The following ANGPT2 variants were observed in gnomAD, a reference collection of about 807,000 sequenced individuals.
The protein encoded by ANGPT2 is angiopoietin-2.
Under a neutral mutation model 62.9 loss-of-function variants are expected in ANGPT2, and 28 were observed. The ratio of observed to expected loss-of-function variants is 0.44; its 90% CI spans 0.33 to 0.61. The LOEUF (loss-of-function observed/expected upper bound fraction) is 0.61, where lower values mean the gene tolerates loss of function less well. Among genes scored for constraint, ANGPT2 ranks in the 20% least tolerant of loss-of-function variants. The pLI is 0.03. For synonymous variants in ANGPT2, 284 were observed against 207.8 expected (o/e 1.37, Z -3.15); for missense variants, 727 against 594.9 (o/e 1.22, Z -2.31).
chr8:6,515,151 C>T (rs1816009420), intron 5 of ANGPT2, among the ~76,000 whole-genome samples: 1 of 152,110 alleles, frequency 6.6e-6, no homozygotes, highest in Non-Finnish European at 1.5e-5. Flanking sequence ...CCCACATCTC[C>T]ATCCTGTAGA....
chr8:6,555,715 G>A (rs879884437), intron 1 of ANGPT2, among the ~76,000 whole-genome samples: 13 of 152,004 alleles, frequency 8.6e-5, no homozygotes, highest in Non-Finnish European at 1.5e-4. Context: ...CACCCGCTTC[G>A]GCCTCCGAAA....
At chr8:6,547,757 C>T (rs776415100) in intron 1 of ANGPT2, among the ~76,000 whole-genome samples, 5 of 152,192 alleles carry the variant, frequency 3.3e-5, no homozygotes, top group Non-Finnish European at 5.9e-5. Context: ...CTGACTCACT[C>T]GGTGGGAACA....
intron 1 of ANGPT2, among the ~76,000 whole-genome samples, chr8:6,553,639 A>G (rs1351300075): frequency 6.6e-6 from 1 of 152,090 alleles, no homozygotes; most frequent in Non-Finnish European, 1.5e-5. Context: ...TGGGGCCAGA[A>G]ACAAAATCCC....
rs114820337 is a variant in ANGPT2, at chr8:6,539,951, G to A, written c.289-7464C>T. Among the ~76,000 whole-genome samples, 1,047 of 152,164 alleles carry A rather than the reference G, an allele frequency of 6.9e-3. 13 individuals are homozygous for A. The highest frequency in any genetic ancestry group is 0.024 in the African/African-American group (1,009 of 41,504). ...GATAACCAACCCCTTTCCTACTTTC[G>A]CTAGTATAAGAGACTGAAAGTTCAC... is the stretch of plus-strand genomic sequence containing the variant. On this transcript the variant is annotated intron_variant, in intron 1 of 8. Coordinates refer to ENST00000629816, the MANE Select transcript of ANGPT2 (RefSeq NM_001118887.2).
chr8:6,542,261 G>A lies in ANGPT2; in HGVS notation c.289-9774C>T, dbSNP rs151307848. ...TGTATATCTGTCTAGAGACATATAT[G>A]CATACATTTGTCTACACATGTGAGG... On this transcript the variant is annotated intron_variant, in intron 1 of 8. Transcript: ENST00000629816. Among the ~76,000 whole-genome samples, 72 of 152,102 alleles carry A rather than the reference G, an allele frequency of 4.7e-4. No homozygotes were observed. The East Asian group carries it at 0.013, about 27-fold the overall frequency.
intron 1 of ANGPT2, among the ~76,000 whole-genome samples, chr8:6,539,845 C>T (rs2129573485): frequency 6.6e-6 from 1 of 152,290 alleles, no homozygotes; most frequent in African/African-American, 2.4e-5. Context: ...CCTTGGCCTC[C>T]CAAAGTGCTA....
intron 1 of ANGPT2, among the ~76,000 whole-genome samples, chr8:6,538,254 A>G (rs756450901): frequency 3.3e-5 from 5 of 152,146 alleles, no homozygotes; most frequent in Admixed American, 6.5e-5. Context: ...TAGAAATAAG[A>G]TATTGCAACC....
intron 1 of ANGPT2, among the ~76,000 whole-genome samples, chr8:6,542,552 C>A (rs1475290049): frequency 2.0e-5 from 3 of 151,908 alleles, no homozygotes; most frequent in Admixed American, 1.3e-4. Flanking sequence ...TCTCCCAACA[C>A]CCCATCCCGC....
intron 7 of ANGPT2, among the ~76,000 whole-genome samples, chr8:6,512,134 T>C (rs1815263131): frequency 6.6e-6 from 1 of 152,204 alleles, no homozygotes. Flanking sequence ...GAATAGTGAA[T>C]ATGCTTCACT....
chr8:6,505,369 AAT>A (rs1384778993), intron 8 of ANGPT2, among the ~76,000 whole-genome samples: 65 of 75,566 alleles, frequency 8.6e-4, no homozygotes, highest in Non-Finnish European at 1.2e-3. Context: ...ATGTATATAG[AAT>A]ATATATATTC....
chr8:6,521,190 A>G lies in ANGPT2; in HGVS notation c.787T>C (p.Ser263Pro), dbSNP rs1817266811. 1 of 1,612,674 alleles carries G rather than the reference A, an allele frequency of 6.2e-7. No individual in the cohort carries two copies. The change falls in exon 4 of 9, where the codon TCC (serine) becomes CCC (proline). Residue 263 changes from serine (S) to proline (P), a missense_variant. Transcript: ENST00000629816. ...TATGTAAACTTACAGTTTGATGTGGACATCATAGTCAGTAAGTTATTAACT... is the reference window on the plus strand; with the variant it reads ...TATGTAAACTTACAGTTTGATGTGGGCATCATAGTCAGTAAGTTATTAACT... ...ETVNNLLTMM[S>P]TSNSKDPTVA...
At chr8:6,544,783 T>C (rs1822252281) in intron 1 of ANGPT2, among the ~76,000 whole-genome samples, 1 of 152,208 alleles carries the variant, frequency 6.6e-6, no homozygotes, top group South Asian at 2.1e-4. Flanking sequence ...AGAGCCTCCC[T>C]TACCTCCTGA....
chr8:6,553,600 C>T (rs1288731360), intron 1 of ANGPT2, among the ~76,000 whole-genome samples: 1 of 152,128 alleles, frequency 6.6e-6, no homozygotes, highest in Admixed American at 6.5e-5. Flanking sequence ...ATCCCTTTGC[C>T]ATAGTTTGGC....
intron 1 of ANGPT2, among the ~76,000 whole-genome samples, chr8:6,536,409 G>GT (rs997292950): frequency 1.3e-5 from 1 of 75,030 alleles, no homozygotes; most frequent in African/African-American, 5.0e-5. Flanking sequence ...CCTTTTAAGA[G>GT]CCAAAGTGAT....
rs1813131542 is a variant in ANGPT2 at position 6,505,255 on chromosome 8, A to ATATAGAATATATATATTCTT, written c.1328-1995_1328-1994insAAGAATATATATATTCTATA. Among the ~76,000 whole-genome samples the ATATAGAATATATATATTCTT allele has an allele frequency of 9.4e-5, 2 of 21,220 alleles. 1 individual carries two copies. Among genetic ancestry groups the ATATAGAATATATATATTCTT allele is most frequent in the Non-Finnish European group, 2.0e-4 (2 of 10,092 alleles). 13.9% of individuals were successfully genotyped at this position (21,220 alleles called of 152,430 possible). A position where few individuals can be genotyped will look rare whatever the true frequency, so the allele number is the denominator to read the frequency against. ...TATATATAGAATATATATTCTTTAT[A>ATATAGAATATATATATTCTT]TATGTTTTATATATATGTATACATA... On this transcript the variant is annotated intron_variant, in intron 8 of 8. Coordinates refer to ENST00000629816, the MANE Select transcript of ANGPT2 (RefSeq NM_001118887.2).
intron 6 of ANGPT2, among the ~76,000 whole-genome samples, chr8:6,514,309 C>A (rs558164109): frequency 4.3e-4 from 65 of 152,296 alleles, no homozygotes; most frequent in African/African-American, 1.5e-3. Flanking sequence ...CCTGCCTCAG[C>A]CTCCTGAGTA....
At chr8:6,522,684 G>A (rs1413313772) in intron 3 of ANGPT2, among the ~76,000 whole-genome samples, 1 of 151,214 alleles carries the variant, frequency 6.6e-6, no homozygotes, top group South Asian at 2.1e-4. Context: ...TGAGGCAGGA[G>A]AACTGCTTGA....
chr8:6,521,443 G>T (rs748075814), intron 3 of ANGPT2, 33 bp from the exon 4 acceptor site: 1 of 1,420,566 alleles, frequency 7.0e-7, no homozygotes, highest in East Asian at 2.3e-5. Flanking sequence ...GTTAGTGAAG[G>T]CTATTCTAAT....
intron 5 of ANGPT2, among the ~76,000 whole-genome samples, chr8:6,518,450 C>G (rs1301774572): frequency 6.6e-6 from 1 of 152,174 alleles, no homozygotes; most frequent in East Asian, 1.9e-4. Flanking sequence ...GGGACATTAA[C>G]TAATTTTCAG....
Sources: gnomAD v4.1 joint callset for allele counts (sites outside exome capture counted in the v4.1 genomes callset) on GRCh38, gnomAD v4.1.1 for gene constraint, MANE v1.5 for transcripts, NCBI Gene and HGNC (gene_info 2026-07-23, HGNC 2026-07-21) for gene names.